ATXN7: variants seen among roughly 807,000 people sequenced by gnomAD.
ATXN7 encodes the protein ataxin-7.
ATXN7 carries 12 observed loss-of-function variants against 70.5 expected under a neutral mutation model. That is an observed-to-expected ratio of 0.17 (90% CI 0.11 to 0.28). The LOEUF (loss-of-function observed/expected upper bound fraction) is 0.28. ATXN7 is among the 10% of genes least tolerant of loss of function. The pLI is 1.00. For missense variants in ATXN7, 1,256 were observed against 1,131.7 expected (o/e 1.11, Z -1.58); for synonymous variants, 498 against 448.7 (o/e 1.11, Z -1.39).
rs1575942053 is a variant in ATXN7, at chr3:63,952,239, A to G, written c.395-140A>G. On this transcript the variant is annotated intron_variant, in intron 4 of 12. Coordinates refer to ENST00000674280, the MANE Select transcript of ATXN7 (RefSeq NM_001377405.1). ...AAGCCTGATTTGATTTCTCTGTTTA[A>G]TAGTGGTGGTGTACCACATCAGTTC... 1.0e-5 allele frequency: 5 copies of G among 500,230 alleles called. No individual in the cohort carries two copies. In the East Asian group the frequency reaches 1.3e-4, roughly 13 times the overall value. 31.0% of individuals were successfully genotyped at this position (500,230 alleles called of 1,614,324 possible). A position where few individuals can be genotyped will look rare whatever the true frequency, so the allele number is the denominator to read the frequency against.
intron 5 of ATXN7, among the ~76,000 whole-genome samples, chr3:63,974,081 G>A (rs1208522688): frequency 6.6e-6 from 1 of 151,994 alleles, no homozygotes; most frequent in Non-Finnish European, 1.5e-5. Flanking sequence ...GTGGGGTTTC[G>A]TCGGAGACCC....
In ATXN7 at chr3:63,912,615, C is replaced by A. The variant is rs1704074459; in HGVS notation, c.17C>A (p.Ala6Glu). 1 of 1,090,522 alleles carries A rather than the reference C, an allele frequency of 9.2e-7. No homozygotes were observed. Among genetic ancestry groups the A allele is most frequent in the African/African-American group, 1.7e-5 (1 of 58,056 alleles). The allele number at this position is 1,090,522 out of a possible 1,614,324, so 67.6% of individuals were successfully genotyped here. Reference sequence around the variant, plus strand: ...GCGGAAAGAATGTCGGAGCGGGCCGCGGATGACGTCAGGGGGGAGCCGCGC... The same window carrying A: ...GCGGAAAGAATGTCGGAGCGGGCCGAGGATGACGTCAGGGGGGAGCCGCGC... MSERA[A>E]DDVRGEPRRA... The change falls in exon 3 of 13, where the codon GCG becomes GAG. Residue 6 changes from alanine (A) to glutamate (E), a missense_variant. Coordinates refer to ENST00000674280, the MANE Select transcript of ATXN7 (RefSeq NM_001377405.1).
chr3:63,953,936 C>T (rs566089169), intron 5 of ATXN7, among the ~76,000 whole-genome samples: 24 of 152,180 alleles, frequency 1.6e-4, no homozygotes, highest in Non-Finnish European at 2.4e-4. Flanking sequence ...GCATGAGCCA[C>T]GCGCTCAGCC....
rs1491434029 is a variant in ATXN7 at position 63,980,173 on chromosome 3, T to TATGG, written c.752+7_752+10dup. 6.2e-7 allele frequency: 1 copy of TATGG among 1,613,838 alleles called. No individual in the cohort carries two copies. The highest frequency in any genetic ancestry group is 8.5e-7 in the Non-Finnish European group (1 of 1,179,956). On this transcript the variant is annotated splice_region_variant and intron_variant, in intron 6 of 12. Coordinates refer to ENST00000674280, the MANE Select transcript of ATXN7 (RefSeq NM_001377405.1). ...AGAGTTCCCCATGGTAGAATGTGAG[T>TATGG]ATGGCCAAGAGGGTTTTTAAAGCTT...
chr3:63,867,874 G>C (rs1304565643), intron 1 of ATXN7, among the ~76,000 whole-genome samples: 3 of 151,910 alleles, frequency 2.0e-5, no homozygotes, highest in Non-Finnish European at 2.9e-5. Context: ...AACAGAGTAA[G>C]ACACTGAAAT....
intron 5 of ATXN7, among the ~76,000 whole-genome samples, chr3:63,956,514 T>C (rs148635162): frequency 0.023 from 3,467 of 151,178 alleles, 68 homozygotes; most frequent in South Asian, 0.079. Flanking sequence ...ATCCCAAACC[T>C]GCTGTGCATC....
chr3:63,865,774 A>G (rs1320520692), intron 1 of ATXN7, among the ~76,000 whole-genome samples: 12 of 150,574 alleles, frequency 8.0e-5, no homozygotes, highest in Non-Finnish European at 1.2e-4. Flanking sequence ...GGGCGCCTGT[A>G]GTCCCAGCTA....
intron 1 of ATXN7, among the ~76,000 whole-genome samples, chr3:63,880,219 T>C (rs1702871125): frequency 6.6e-6 from 1 of 152,048 alleles, no homozygotes; most frequent in African/African-American, 2.4e-5. Context: ...TGAAAAGAGG[T>C]CCACACTTAC....
At chr3:63,968,945 C>T (rs765920922) in intron 5 of ATXN7, among the ~76,000 whole-genome samples, 7 of 152,148 alleles carry the variant, frequency 4.6e-5, no homozygotes, top group African/African-American at 1.2e-4. Flanking sequence ...AGATCTTAAA[C>T]CTTTAATCAA....
At chr3:63,884,647 T>A (rs74955715) in intron 1 of ATXN7, among the ~76,000 whole-genome samples, 1 of 151,832 alleles carries the variant, frequency 6.6e-6, no homozygotes, top group African/African-American at 2.4e-5. Context: ...TTTTTTTTTT[T>A]CTTTCTTATT....
intron 12 of ATXN7, chr3:63,998,413 A>T (rs896436634): frequency 9.1e-6 from 9 of 985,130 alleles, no homozygotes; most frequent in Admixed American, 6.2e-5. Flanking sequence ...TCTCTTCTTA[A>T]ATCTGGTATA....
At chr3:63,868,192 T>A (rs1020608854) in intron 1 of ATXN7, among the ~76,000 whole-genome samples, 17 of 152,194 alleles carry the variant, frequency 1.1e-4, no homozygotes, top group Admixed American at 1.0e-3. Flanking sequence ...AGGGAATCAT[T>A]GTAAGAAAAT....
At chr3:63,947,065 C>T (rs1220617334) in intron 4 of ATXN7, among the ~76,000 whole-genome samples, 1 of 152,096 alleles carries the variant, frequency 6.6e-6, no homozygotes, top group African/African-American at 2.4e-5. Context: ...TGGGTTTAAA[C>T]CTTGGGTGTG....
At chr3:63,987,929 A>T in intron 8 of ATXN7, 130 bp from the exon 9 acceptor site, 1 of 1,151,358 alleles carries the variant, frequency 8.7e-7, no homozygotes, top group Non-Finnish European at 1.2e-6. Flanking sequence ...TAGCTTATCA[A>T]ATGCTGAGTA....
chr3:63,955,995 C>CT (rs1452397513), intron 5 of ATXN7, among the ~76,000 whole-genome samples: 1 of 152,160 alleles, frequency 6.6e-6, no homozygotes, highest in African/African-American at 2.4e-5. Context: ...AAGCCCTGTA[C>CT]TTTTTTGCTA....
At chr3:63,975,025 C>A (rs1467878842) in intron 5 of ATXN7, among the ~76,000 whole-genome samples, 1 of 152,108 alleles carries the variant, frequency 6.6e-6, no homozygotes, top group Non-Finnish European at 1.5e-5. Context: ...TCATTTCAGC[C>A]AGTTACAGTT....
rs749797077 is a variant in ATXN7 at position 63,982,435 on chromosome 3, G to A, written c.1002G>A (p.Lys334=). 9 of 1,603,754 alleles carry A rather than the reference G, an allele frequency of 5.6e-6. No individual in the cohort carries two copies. Among genetic ancestry groups the A allele is most frequent in the Middle Eastern group, 1.6e-4 (1 of 6,070 alleles). ...DNSNNRKFLN[K]RLSEREFDPD... is the part of the protein sequence containing the mutation. The stretch of plus-strand genomic sequence containing the variant: ...CCAATAATAGGAAATTTTTAAATAA[G>A]AGATTATCAGGTAACTTCAAATTTT... The change falls in exon 7 of 13, where the codon AAG becomes AAA. Residue 334 remains lysine, a synonymous_variant. Transcript: ENST00000674280.
At chr3:63,993,667 G>A (rs777240117) in intron 11 of ATXN7, among the ~76,000 whole-genome samples, 1 of 152,122 alleles carries the variant, frequency 6.6e-6, no homozygotes, top group Non-Finnish European at 1.5e-5. Context: ...ACTTAAAAGA[G>A]CTTTTCTAAG....
At chr3:63,984,223 C>T (rs1011901488) in intron 8 of ATXN7, among the ~76,000 whole-genome samples, 1 of 150,110 alleles carries the variant, frequency 6.7e-6, no homozygotes, top group African/African-American at 2.5e-5. Context: ...AAAAAAAAAA[C>T]CACGGTCCAT....
Sources: gnomAD v4.1 joint callset for allele counts (sites outside exome capture counted in the v4.1 genomes callset) on GRCh38, gnomAD v4.1.1 for gene constraint, MANE v1.5 for transcripts, NCBI Gene and HGNC (gene_info 2026-07-23, HGNC 2026-07-21) for gene names.